VSTM4: variants seen among roughly 807,000 people sequenced by gnomAD.
The protein encoded by VSTM4 is V-set and transmembrane domain-containing protein 4.
In VSTM4, 20 loss-of-function variants were observed where a neutral mutation model predicts 36.4. The ratio of observed to expected loss-of-function variants is 0.55; its 90% CI spans 0.39 to 0.80. The LOEUF (loss-of-function observed/expected upper bound fraction) is 0.80. Among genes scored for constraint, VSTM4 ranks in the 30% least tolerant of loss-of-function variants. VSTM4 has a pLI of 0.00. For synonymous variants in VSTM4, 182 were observed against 173.9 expected (o/e 1.05, Z -0.37); for missense variants, 392 against 404.5 (o/e 0.97, Z 0.26).
At chr10:49,051,322 G>A (rs935829384) in intron 5 of VSTM4, among the ~76,000 whole-genome samples, 2 of 151,680 alleles carry the variant, frequency 1.3e-5, no homozygotes, top group African/African-American at 4.8e-5. Flanking sequence ...TTTTCAGATT[G>A]GCCTCTTTCA....
intron 7 of VSTM4, among the ~76,000 whole-genome samples, chr10:49,032,162 A>C (rs942125511): frequency 2.0e-5 from 3 of 152,232 alleles, no homozygotes; most frequent in African/African-American, 7.2e-5. Flanking sequence ...GAATGTGACA[A>C]CAGCACCTAA....
chr10:49,090,979 A>AT (rs1246046825), intron 2 of VSTM4, among the ~76,000 whole-genome samples: 1 of 140,200 alleles, frequency 7.1e-6, no homozygotes, highest in Non-Finnish European at 1.6e-5. Context: ...GTGCACAGGC[A>AT]TGTAGTCCCC....
rs763094182 is a variant in VSTM4, at chr10:49,077,182, G to GTCTAGCAT, written c.634+36_634+37insATGCTAGA. ...TTCCGCCCGTCTGTGGTCGGGGTGT[G>GTCTAGCAT]CTCCCATCCCAGACATGACCTTATC... On this transcript the variant is annotated intron_variant, in intron 4 of 7. Coordinates refer to ENST00000332853, the MANE Select transcript of VSTM4 (RefSeq NM_001031746.5). 4.4e-6 allele frequency: 7 copies of GTCTAGCAT among 1,600,180 alleles called. No homozygotes were observed. In the South Asian group the frequency reaches 7.7e-5, roughly 18 times the overall value.
At chr10:49,056,863 G>A (rs1230205039) in intron 5 of VSTM4, among the ~76,000 whole-genome samples, 1 of 152,206 alleles carries the variant, frequency 6.6e-6, no homozygotes, top group African/African-American at 2.4e-5. Context: ...ATCAAGAAAA[G>A]AGGTTTATAT....
chr10:49,078,678 C>T (rs1339453890), intron 3 of VSTM4, among the ~76,000 whole-genome samples: 1 of 152,126 alleles, frequency 6.6e-6, no homozygotes, highest in Non-Finnish European at 1.5e-5. Flanking sequence ...ATGGGTTTGG[C>T]TACAAGGGCC....
chr10:49,069,323 A>G (rs1480563281), intron 4 of VSTM4, among the ~76,000 whole-genome samples: 1 of 152,172 alleles, frequency 6.6e-6, no homozygotes, highest in African/African-American at 2.4e-5. Flanking sequence ...AATAGGACCC[A>G]TGGATGTTTC....
chr10:49,084,434 G>A (rs1396746462), intron 3 of VSTM4, among the ~76,000 whole-genome samples: 1 of 152,212 alleles, frequency 6.6e-6, no homozygotes, highest in African/African-American at 2.4e-5. Context: ...CTTATGGTCT[G>A]CAAACGATGT....
intron 2 of VSTM4, chr10:49,103,640 A>G: frequency 6.5e-7 from 1 of 1,529,458 alleles, no homozygotes; most frequent in Non-Finnish European, 8.7e-7. Context: ...GTCACCCTCC[A>G]TGTGCTGGGC....
At chr10:49,076,443 C>T (rs754350102) in intron 4 of VSTM4, among the ~76,000 whole-genome samples, 4 of 152,130 alleles carry the variant, frequency 2.6e-5, no homozygotes, top group African/African-American at 4.8e-5. Flanking sequence ...GAACCGGAGT[C>T]GGTCCATTTC....
chr10:49,069,578 C>G (rs1247008545), intron 4 of VSTM4, among the ~76,000 whole-genome samples: 3 of 152,180 alleles, frequency 2.0e-5, no homozygotes, highest in Admixed American at 6.5e-5. Context: ...AGAGAAAGGA[C>G]CAGGGTGCAC....
chr10:49,070,659 G>T (rs1290617149), intron 4 of VSTM4, among the ~76,000 whole-genome samples: 1 of 152,240 alleles, frequency 6.6e-6, no homozygotes, highest in Non-Finnish European at 1.5e-5. Flanking sequence ...TGTTAGAGAA[G>T]AGTCAGGAGT....
intron 4 of VSTM4, among the ~76,000 whole-genome samples, chr10:49,066,187 C>T (rs1379626996): frequency 6.6e-6 from 1 of 152,136 alleles, no homozygotes; most frequent in East Asian, 1.9e-4. Flanking sequence ...GTATTCATTT[C>T]CCTTCCCCAC....
At chr10:49,092,621 C>T (rs1377162478) in intron 2 of VSTM4, among the ~76,000 whole-genome samples, 1 of 152,090 alleles carries the variant, frequency 6.6e-6, no homozygotes, top group Non-Finnish European at 1.5e-5. Flanking sequence ...TAGAGGAGGG[C>T]GTGGTCCCTG....
chr10:49,080,416 A>G (rs1844258205), intron 3 of VSTM4, among the ~76,000 whole-genome samples: 1 of 152,254 alleles, frequency 6.6e-6, no homozygotes, highest in Non-Finnish European at 1.5e-5. Context: ...AGCCCAGCAG[A>G]ACCTCTGCCC....
intron 2 of VSTM4, 121 bp from the exon 3 acceptor site, chr10:49,086,144 A>G (rs1475742275): frequency 3.4e-6 from 2 of 590,762 alleles, no homozygotes; most frequent in Non-Finnish European, 5.8e-6. Flanking sequence ...CAAAACTCAC[A>G]TGTTAGGGAG....
rs1564561915 is a variant in VSTM4, at chr10:49,018,734, C to T, written c.*916G>A. 6.6e-6 allele frequency: 1 copy of T among 152,272 alleles called. No homozygotes were observed. The allele number at this position is 152,272 out of a possible 1,614,324, so 9.4% of individuals were successfully genotyped here. A position where few individuals can be genotyped will look rare whatever the true frequency, so the allele number is the denominator to read the frequency against. The stretch of plus-strand genomic sequence containing the variant: ...GCAAGGCACTTGGCAAGAGGAGGGT[C>T]TTCAGAACACACTTTCCAGCTTGGC... On this transcript the variant is annotated 3_prime_UTR_variant, in exon 8 of 8. Coordinates refer to ENST00000332853, the MANE Select transcript of VSTM4 (RefSeq NM_001031746.5).
intron 3 of VSTM4, among the ~76,000 whole-genome samples, chr10:49,078,447 C>T (rs1021852603): frequency 6.6e-6 from 1 of 151,560 alleles, no homozygotes; most frequent in African/African-American, 2.4e-5. Context: ...CACACCACAG[C>T]ATCCTCAGAA....
chr10:49,047,077 T>C (rs1843624020), intron 6 of VSTM4, 33 bp from the exon 7 acceptor site: 13 of 1,605,688 alleles, frequency 8.1e-6, no homozygotes, highest in Non-Finnish European at 1.0e-5. Flanking sequence ...TAGCTTGCAG[T>C]TCCTCCCAGA....
intron 2 of VSTM4, among the ~76,000 whole-genome samples, chr10:49,097,134 C>T (rs916822225): frequency 9.2e-5 from 14 of 152,312 alleles, no homozygotes; most frequent in South Asian, 2.1e-4. Flanking sequence ...ACGCTTTCCA[C>T]GGGAACCTTA....
Sources: gnomAD v4.1 joint callset for allele counts (sites outside exome capture counted in the v4.1 genomes callset) on GRCh38, gnomAD v4.1.1 for gene constraint, MANE v1.5 for transcripts, NCBI Gene and HGNC (gene_info 2026-07-23, HGNC 2026-07-21) for gene names.